Variants in PRKN observed in about 807,000 individuals in gnomAD.
PRKN encodes parkin RBR E3 ubiquitin protein ligase, also known as E3 ubiquitin-protein ligase parkin.
A neutral mutation model predicts 59.5 loss-of-function variants in PRKN; 56 were observed. That is an observed-to-expected ratio of 0.94 (90% CI 0.76 to 1.18). The LOEUF (loss-of-function observed/expected upper bound fraction) is 1.18. Ranked by LOEUF, PRKN falls within the 50% of genes most tolerant of loss-of-function variation. The pLI, the probability that PRKN is intolerant of heterozygous loss-of-function variation, is 0.00. For missense variants in PRKN, 657 were observed against 596.4 expected, an observed-to-expected ratio of 1.10 and a Z score of -1.06; for synonymous variants, 250 against 222.1, an observed-to-expected ratio of 1.13 and a Z score of -1.12.
intron 5 of PRKN, among the ~76,000 whole-genome samples, chr6:161,979,358 C>T (rs577204800): frequency 5.9e-5 from 9 of 152,258 alleles, no homozygotes; most frequent in East Asian, 3.9e-4. Flanking sequence ...CTGCAACCTA[C>T]GCCTCCCAGT....
At chr6:162,402,125 T>G (rs534662866) in intron 2 of PRKN, among the ~76,000 whole-genome samples, 50 of 152,012 alleles carry the variant, frequency 3.3e-4, no homozygotes, top group African/African-American at 1.2e-3. Context: ...GGCACACACC[T>G]GTAATTCCAG....
At chr6:161,714,035 C>T (rs1036711849) in intron 7 of PRKN, among the ~76,000 whole-genome samples, 5 of 152,154 alleles carry the variant, frequency 3.3e-5, no homozygotes, top group Non-Finnish European at 7.4e-5. Context: ...GTCCATTAAA[C>T]TTCTTTTTCT....
rs1299757831 is a variant in PRKN, at chr6:161,458,972, C to T, written c.1084-72095G>A. Among the ~76,000 whole-genome samples the T allele has an allele frequency of 1.3e-5, 2 of 151,742 alleles. No individual in the cohort carries two copies. Among genetic ancestry groups the T allele is most frequent in the Admixed American group, 6.6e-5 (1 of 15,246 alleles). On this transcript the variant is annotated intron_variant, in intron 9 of 11. Transcript: ENST00000366898. This position sits in a 1 kb window ranked among gnomAD's most constrained non-coding sequence, Gnocchi z 6.1. Reference sequence around the variant, plus strand: ...TTTGGACAGCCTCAAATCCCTTCATCTTATCTGGAGGGAAGACAGGAATGA... The same window carrying T: ...TTTGGACAGCCTCAAATCCCTTCATTTTATCTGGAGGGAAGACAGGAATGA...
chr6:161,727,554 C>T (rs939843059), intron 7 of PRKN, among the ~76,000 whole-genome samples: 2 of 152,212 alleles, frequency 1.3e-5, no homozygotes, highest in African/African-American at 2.4e-5. Context: ...AGAAAGTCTG[C>T]AGCATGACTT....
intron 9 of PRKN, among the ~76,000 whole-genome samples, chr6:161,509,214 T>A (rs76943562): frequency 2.4e-4 from 30 of 124,644 alleles, no homozygotes; most frequent in Non-Finnish European, 3.9e-4. Context: ...TTTTTTTTTT[T>A]AAATTAGAAG....
chr6:162,212,685 C>T (rs1406712356), intron 3 of PRKN, among the ~76,000 whole-genome samples: 1 of 152,068 alleles, frequency 6.6e-6, no homozygotes, highest in Non-Finnish European at 1.5e-5. Flanking sequence ...GAAATGTGTC[C>T]TTAGACGATT....
rs370921263 is a variant in PRKN at position 161,941,271 on chromosome 6, T to C, written c.734+32031A>G. On this transcript the variant is annotated intron_variant, in intron 6 of 11. Coordinates refer to ENST00000366898, the MANE Select transcript of PRKN (RefSeq NM_004562.3). ...GCAGGCAGACACAGGCGGCTGGACG[T>C]TGAGAGGAGCACATCAGCAGAGGAA... Among the ~76,000 whole-genome samples, 4 of 152,036 alleles carry C rather than the reference T, an allele frequency of 2.6e-5. No homozygotes were observed. The East Asian group carries it at 5.8e-4, about 22-fold the overall frequency.
chr6:162,150,699 C>G (rs1453638321), intron 4 of PRKN, among the ~76,000 whole-genome samples: 6 of 152,052 alleles, frequency 3.9e-5, no homozygotes, highest in Non-Finnish European at 7.4e-5. Context: ...GCTTTCCCTG[C>G]CAGCTTTTTT....
chr6:161,567,915 T>C (rs1780716240), intron 8 of PRKN, among the ~76,000 whole-genome samples: 1 of 152,226 alleles, frequency 6.6e-6, no homozygotes. Flanking sequence ...GGGAAATGGC[T>C]GTGAGATCCA....
chr6:161,407,391 C>G lies in PRKN; in HGVS notation c.1084-20514G>C, dbSNP rs1001400432. On this transcript the variant is annotated intron_variant, in intron 9 of 11. Transcript: ENST00000366898. The surrounding 1 kb of genome is among the most constrained non-coding windows in gnomAD (Gnocchi z 4.9). ...CTCTGCACACTGGCACAATTGTTTG[C>G]TGGGAGGTAATTTAACAGGACTGAA... 6.6e-6 allele frequency among the ~76,000 whole-genome samples: 1 copy of G among 151,926 alleles called. No homozygotes were observed. Among genetic ancestry groups the G allele is most frequent in the African/African-American group, 2.4e-5 (1 of 41,344 alleles).
chr6:162,231,664 T>A (rs1488927150), intron 3 of PRKN, among the ~76,000 whole-genome samples: 3 of 152,192 alleles, frequency 2.0e-5, no homozygotes, highest in African/African-American at 7.2e-5. Flanking sequence ...AGGAAAATCA[T>A]ACTTGTGTGG....
chr6:162,598,746 G>C (rs1358476880), intron 1 of PRKN, among the ~76,000 whole-genome samples: 4 of 151,686 alleles, frequency 2.6e-5, no homozygotes, highest in African/African-American at 9.7e-5. Flanking sequence ...CCAGTTACTC[G>C]GGAGGCTGAG....
At chr6:162,292,256 GC>G (rs1420897952) in intron 2 of PRKN, among the ~76,000 whole-genome samples, 1 of 152,028 alleles carries the variant, frequency 6.6e-6, no homozygotes. Context: ...GAGCCACTGC[GC>G]CCGGCCTCTT....
intron 9 of PRKN, among the ~76,000 whole-genome samples, chr6:161,431,415 C>T (rs1788641476): frequency 6.6e-6 from 1 of 151,752 alleles, no homozygotes; most frequent in Non-Finnish European, 1.5e-5. Flanking sequence ...ATGTGGTACA[C>T]ATTATTTAAC....
intron 6 of PRKN, among the ~76,000 whole-genome samples, chr6:161,895,914 C>T (rs1382998382): frequency 6.6e-6 from 1 of 152,028 alleles, no homozygotes; most frequent in African/African-American, 2.4e-5. Context: ...ATAGGAATTA[C>T]CCAGACGAAG....
At chr6:161,521,131 T>C (rs1778805049) in intron 9 of PRKN, among the ~76,000 whole-genome samples, 1 of 152,194 alleles carries the variant, frequency 6.6e-6, no homozygotes, top group Admixed American at 6.5e-5. Flanking sequence ...TTGACAATTA[T>C]TAGACAGTGT....
rs533578551 is a variant in PRKN at position 162,125,624 on chromosome 6, G to A, written c.535-71450C>T. Among the ~76,000 whole-genome samples, 6 of 152,170 alleles carry A rather than the reference G, an allele frequency of 3.9e-5. No individual in the cohort carries two copies. The South Asian group carries it at 1.0e-3, about 26-fold the overall frequency. On this transcript the variant is annotated intron_variant, in intron 4 of 11. Transcript: ENST00000366898. The stretch of plus-strand genomic sequence containing the variant: ...TTACCCACCCAACTACTCACAACCC[G>A]TCACTTATACACAAACAAATAGTCA...
At chr6:161,988,302 C>T (rs78074091) in intron 5 of PRKN, among the ~76,000 whole-genome samples, 7 of 152,022 alleles carry the variant, frequency 4.6e-5, no homozygotes, top group East Asian at 1.9e-4. Flanking sequence ...GCCTGGCCAA[C>T]GTGGTGAAAA....
chr6:161,756,892 CAGAT>C (rs1269583966), intron 7 of PRKN, among the ~76,000 whole-genome samples: 2 of 152,076 alleles, frequency 1.3e-5, no homozygotes, highest in Admixed American at 6.5e-5. Flanking sequence ...TACAGATACC[CAGAT>C]AGATCAGTGA....
Sources: gnomAD v4.1 joint callset for allele counts (sites outside exome capture counted in the v4.1 genomes callset) on GRCh38, gnomAD v4.1.1 for gene constraint, Gnocchi (gnomAD v3.1) non-coding constraint, MANE v1.5 for transcripts, NCBI Gene and HGNC (gene_info 2026-07-23, HGNC 2026-07-21) for gene names.